Variants in NTRK1 observed in about 807,000 individuals in gnomAD.
NTRK1 encodes the protein high affinity nerve growth factor receptor.
A neutral mutation model predicts 86.8 loss-of-function variants in NTRK1; 62 were observed. The ratio of observed to expected loss-of-function variants is 0.71; its 90% CI spans 0.58 to 0.88. The LOEUF is 0.88. NTRK1 is among the 40% of genes least tolerant of loss of function. NTRK1 has a pLI of 0.00. For synonymous variants in NTRK1, 469 were observed against 456.6 expected (o/e 1.03, Z -0.35); for missense variants, 967 against 1,078.4 (o/e 0.90, Z 1.45).
intron 6 of NTRK1, among the ~76,000 whole-genome samples, chr1:156,869,370 G>A (rs1243569205): frequency 6.6e-6 from 1 of 151,990 alleles, no homozygotes; most frequent in East Asian, 1.9e-4. Context: ...GAGCCACTGT[G>A]CCCGGCAGAT....
At chr1:156,848,300 T>C (rs912023355) in intron 2 of NTRK1, among the ~76,000 whole-genome samples, 1 of 152,232 alleles carries the variant, frequency 6.6e-6, no homozygotes, top group African/African-American at 2.4e-5. Context: ...TTCTATAATA[T>C]CTACCAGAGA....
intron 1 of NTRK1, among the ~76,000 whole-genome samples, chr1:156,834,521 G>A (rs1320409512): frequency 6.6e-6 from 1 of 152,188 alleles, no homozygotes; most frequent in Non-Finnish European, 1.5e-5. Context: ...GTGGGGTGGT[G>A]GATGTGGGCT....
intron 1 of NTRK1, among the ~76,000 whole-genome samples, chr1:156,829,836 G>A (rs994065612): frequency 2.0e-5 from 3 of 152,136 alleles, no homozygotes; most frequent in African/African-American, 7.2e-5. Flanking sequence ...ATTTTTAGTA[G>A]AGATGGGGGT....
chr1:156,849,159 G>A (rs1008850993), intron 2 of NTRK1: 1 of 1,600,262 alleles, frequency 6.2e-7, no homozygotes, highest in African/African-American at 1.3e-5. Flanking sequence ...ACTTCTCAGA[G>A]TGTCCCCCTC....
At chr1:156,868,889 G>A (rs1248350804) in intron 6 of NTRK1, among the ~76,000 whole-genome samples, 1 of 152,160 alleles carries the variant, frequency 6.6e-6, no homozygotes, top group African/African-American at 2.4e-5. Flanking sequence ...TATACTTGAA[G>A]CCCCAGGACT....
chr1:156,851,400 C>T lies in NTRK1; in HGVS notation c.50+9207C>T, dbSNP rs748575028. ...GGAAGCCAGTAATGGTTTCTACCAG[C>T]CCCAGGCTGTGCTGCAGCTGTGGCT... On this transcript the variant is annotated intron_variant, in intron 2 of 16. Transcript: ENST00000392302. 2.5e-6 allele frequency: 4 copies of T among 1,614,028 alleles called. No homozygotes were observed. The African/African-American group carries it at 4.0e-5, about 16-fold the overall frequency.
intron 1 of NTRK1, among the ~76,000 whole-genome samples, chr1:156,828,281 C>T (rs1219173490): frequency 1.3e-5 from 2 of 152,110 alleles, no homozygotes; most frequent in African/African-American, 2.4e-5. Flanking sequence ...TGATAGGTTT[C>T]GAGTTTATTT....
chr1:156,858,748 G>C (rs530257290), upstream of NTRK1: 1 of 747,826 alleles, frequency 1.3e-6, no homozygotes, highest in South Asian at 1.5e-5. Context: ...GGGGCAGAGA[G>C]ACAAGGAATC....
chr1:156,863,172 G>A (rs752222685), intron 1 of NTRK1, among the ~76,000 whole-genome samples: 6 of 152,120 alleles, frequency 3.9e-5, no homozygotes, highest in African/African-American at 1.2e-4. Flanking sequence ...GCCCCAGGGC[G>A]TCAGCTGTCC....
chr1:156,858,725 G>C, upstream of NTRK1: 1 of 922,036 alleles, frequency 1.1e-6, no homozygotes, highest in Non-Finnish European at 1.8e-6. Flanking sequence ...GTTCAGATAG[G>C]AGAGGGAGGG....
At position 156,848,611 on chromosome 1, in the gene NTRK1, G is replaced by A. The variant is rs188934642; in HGVS notation, c.50+6418G>A. 4.6e-4 allele frequency among the ~76,000 whole-genome samples: 70 copies of A among 152,316 alleles called. No individual in the cohort carries two copies. The East Asian group carries it at 0.012, about 25-fold the overall frequency. On this transcript the variant is annotated intron_variant, in intron 2 of 16. Transcript: ENST00000392302. ...ACCGCTGCTGGGGCAGGAGCGTGTG[G>A]TCAGTGTAGAACATTAGCATAATGA...
Position 156,880,022 on chromosome 1 carries a change from C to T in NTRK1, c.2070C>T (p.Pro690=), listed in dbSNP as rs55970329. ...AGGTGGGAGGCCGCACCATGCTGCCCATTCGCTGGATGCCGCCCGAGAGCA... is the reference window on the plus strand; with the variant it reads ...AGGTGGGAGGCCGCACCATGCTGCCTATTCGCTGGATGCCGCCCGAGAGCA... ...YYRVGGRTML[P]IRWMPPESIL... Residue 690 remains proline (P), a synonymous_variant, in exon 16 of 17, where the codon CCC becomes CCT. Coordinates refer to ENST00000524377, the MANE Select transcript of NTRK1 (RefSeq NM_002529.4). The T allele has an allele frequency of 3.1e-6, 5 of 1,613,376 alleles. No homozygotes were observed. The African/African-American group carries it at 4.0e-5, about 13-fold the overall frequency.
chr1:156,816,110 G>C, intron 1 of NTRK1: 1 of 1,605,008 alleles, frequency 6.2e-7, no homozygotes, highest in Non-Finnish European at 8.5e-7. Flanking sequence ...AGCACAAAGA[G>C]GGCTGCCGGG....
At chr1:156,874,707 A>G (rs1322569934) in intron 10 of NTRK1, 81 bp downstream of exon 10, 3 of 1,437,916 alleles carry the variant, frequency 2.1e-6, no homozygotes, top group Non-Finnish European at 2.9e-6. Flanking sequence ...ATTTCTGGTC[A>G]GAGCAGGGAG....
At chr1:156,851,090 C>T in intron 2 of NTRK1, 2 of 668,114 alleles carry the variant, frequency 3.0e-6, no homozygotes, top group South Asian at 3.4e-5. Flanking sequence ...ATATTCAAAA[C>T]AGTCCTGAGA....
chr1:156,824,771 G>C (rs1654277981), intron 1 of NTRK1, among the ~76,000 whole-genome samples: 1 of 152,182 alleles, frequency 6.6e-6, no homozygotes, highest in African/African-American at 2.4e-5. Flanking sequence ...TTCTCCCTAG[G>C]AGCTCACCAA....
chr1:156,868,542 G>C lies in NTRK1; in HGVS notation c.612G>C (p.Ser204=). The part of the protein sequence containing the change: ...PTLKVQVPNA[S]VDVGDDVLLR... ...TGAAGGTCCAGGTGCCCAATGCCTCGGTGGATGTGGGGGACGACGTGCTGC... is the reference window on the plus strand; with the variant it reads ...TGAAGGTCCAGGTGCCCAATGCCTCCGTGGATGTGGGGGACGACGTGCTGC... Residue 204 remains serine, a synonymous_variant, in exon 6 of 17, where the codon TCG becomes TCC. Coordinates refer to ENST00000524377, the MANE Select transcript of NTRK1 (RefSeq NM_002529.4). 12 of 1,558,648 alleles carry C rather than the reference G, an allele frequency of 7.7e-6. No individual in the cohort carries two copies. Among genetic ancestry groups the C allele is most frequent in the Non-Finnish European group, 1.0e-5 (12 of 1,150,888 alleles).
chr1:156,866,935 T>C lies in NTRK1; in HGVS notation c.385T>C (p.Ser129Pro). 6.2e-7 allele frequency: 1 copy of C among 1,614,128 alleles called. No individual in the cohort carries two copies. Among genetic ancestry groups the C allele is most frequent in the Non-Finnish European group, 8.5e-7 (1 of 1,180,016 alleles). Residue 129 changes from serine to proline, a missense_variant, in exon 4 of 17, where the codon TCT becomes CCT. Ser to Pro is a moderately conservative substitution (Grantham distance 74). Coordinates refer to ENST00000524377, the MANE Select transcript of NTRK1 (RefSeq NM_002529.4). ...GAATCTCTCCTTCAACGCTCTGGAG[T>C]CTCTCTCCTGGAAAACTGTGCAGGG... ...RLNLSFNALE[S>P]LSWKTVQGLS...
rs140852621 is a variant in NTRK1 at position 156,880,121 on chromosome 1, C to T, written c.2169C>T (p.Tyr723=). The part of the protein sequence containing the change: ...FGVVLWEIFT[Y]GKQPWYQLSN... ...TGGTGCTCTGGGAGATCTTCACCTACGGCAAGCAGCCCTGGTACCAGCTCT... is the reference window on the plus strand; with the variant it reads ...TGGTGCTCTGGGAGATCTTCACCTATGGCAAGCAGCCCTGGTACCAGCTCT... Residue 723 remains tyrosine (Y), a synonymous_variant, in exon 16 of 17, where the codon TAC becomes TAT. Transcript: ENST00000524377. 8.1e-5 allele frequency: 130 copies of T among 1,613,628 alleles called. No homozygotes were observed. The highest frequency in any genetic ancestry group is 7.8e-4 in the South Asian group (71 of 91,058).
Sources: allele counts gnomAD v4.1 joint callset (sites outside exome capture counted in the v4.1 genomes callset), GRCh38; gene constraint gnomAD v4.1.1; transcripts MANE v1.5; gene names NCBI Gene and HGNC (gene_info 2026-07-23, HGNC 2026-07-21).